PALLD: variants seen among roughly 807,000 people sequenced by gnomAD.
PALLD encodes the protein palladin.
In PALLD, 61 loss-of-function variants were observed where a neutral mutation model predicts 123.5. The observed-to-expected ratio is 0.49, with a 90% CI of 0.40 to 0.61. The LOEUF is 0.61. Ranked by LOEUF, PALLD falls within the 20% of genes least tolerant of loss-of-function variation. The pLI, the probability that PALLD is intolerant of heterozygous loss-of-function variation, is 0.00. For missense variants in PALLD, 1,273 were observed against 1,377.0 expected (o/e 0.92, Z 1.20); for synonymous variants, 465 against 496.4 (o/e 0.94, Z 0.84).
At chr4:168,703,557 C>T (rs1310531302) in intron 8 of PALLD, among the ~76,000 whole-genome samples, 2 of 125,978 alleles carry the variant, frequency 1.6e-5, no homozygotes, top group Admixed American at 7.4e-5. Context: ...TCTCCACATC[C>T]TCTCCAGCAC....
At chr4:168,599,097 C>T (rs971774394) in intron 2 of PALLD, among the ~76,000 whole-genome samples, 8 of 152,206 alleles carry the variant, frequency 5.3e-5, no homozygotes, top group South Asian at 4.2e-4. Flanking sequence ...CCCAAAATAG[C>T]GAATAGCCAC....
At chr4:168,618,545 C>A (rs1292869025) in intron 2 of PALLD, among the ~76,000 whole-genome samples, 2 of 151,924 alleles carry the variant, frequency 1.3e-5, no homozygotes, top group African/African-American at 4.8e-5. Flanking sequence ...TGTTACACAC[C>A]CATCTTAGTC....
chr4:168,792,965 C>G (rs1737749432), intron 10 of PALLD, among the ~76,000 whole-genome samples: 1 of 151,408 alleles, frequency 6.6e-6, no homozygotes, highest in Non-Finnish European at 1.5e-5. Flanking sequence ...CAGGGTCTCA[C>G]CATGTTGGCC....
intron 13 of PALLD, chr4:168,898,182 T>C: frequency 2.4e-6 from 1 of 410,064 alleles, no homozygotes; most frequent in South Asian, 2.2e-5. Flanking sequence ...TAGGAATACA[T>C]AGCTTTGCTT....
At chr4:168,685,444 T>C (rs1781938292) in intron 5 of PALLD, 41 bp from the exon 6 acceptor site, 1 of 1,309,224 alleles carries the variant, frequency 7.6e-7, no homozygotes, top group Non-Finnish European at 1.1e-6. Context: ...TTAGGCAATT[T>C]ATATATTTAG....
At chr4:168,503,068 C>A (rs913302190) in intron 1 of PALLD, among the ~76,000 whole-genome samples, 2 of 150,980 alleles carry the variant, frequency 1.3e-5, no homozygotes, top group African/African-American at 4.9e-5. Flanking sequence ...ATTTCAAACA[C>A]CCGGTATTTC....
chr4:168,795,868 C>T (rs1738426432), intron 10 of PALLD, among the ~76,000 whole-genome samples: 1 of 151,960 alleles, frequency 6.6e-6, no homozygotes, highest in Non-Finnish European at 1.5e-5. Context: ...ACCACCACAT[C>T]TGGCTATTTT....
At chr4:168,520,327 CAAAAAAA>C (rs1554034658) in intron 2 of PALLD, among the ~76,000 whole-genome samples, 26 of 101,598 alleles carry the variant, frequency 2.6e-4, no homozygotes, top group Middle Eastern at 6.1e-3. Context: ...ATTCCGTCAC[CAAAAAAA>C]AAAAAAAAAA....
intron 6 of PALLD, among the ~76,000 whole-genome samples, 182 bp from the exon 7 acceptor site, chr4:168,690,421 C>T (rs1272495349): frequency 3.3e-5 from 5 of 152,174 alleles, no homozygotes; most frequent in South Asian, 2.1e-4. Flanking sequence ...AGCTGATAAT[C>T]GGTGGGTCCA....
rs548068667 is a variant in PALLD, at chr4:168,924,341, C to T, written c.3145C>T (p.Arg1049Cys). The T allele has an allele frequency of 1.4e-5, 22 of 1,613,644 alleles. No homozygotes were observed. Among genetic ancestry groups the T allele is most frequent in the Admixed American group, 3.3e-5 (2 of 59,996 alleles). ...TGGGTACCCAGTGCGGCTGGAATGT[C>T]GTGTATTGGGAGTGCCACCACCTCA... Reference protein sequence around the residue: ...ADGYPVRLECRVLGVPPPQIF... With the variant: ...ADGYPVRLECCVLGVPPPQIF... Residue 1049 changes from arginine to cysteine, a missense_variant, in exon 19 of 22, where the codon CGT (arginine) becomes TGT (cysteine). This residue lies in a region of PALLD where 329 missense variants were observed against 422.5 expected (regional missense o/e 0.78). Coordinates refer to ENST00000505667, the MANE Select transcript of PALLD (RefSeq NM_001166108.2).
chr4:168,759,191 AAAAAAAAAAAAATATATATATATATATAT>A (rs1264830226), intron 10 of PALLD, among the ~76,000 whole-genome samples: 8 of 29,548 alleles, frequency 2.7e-4, no homozygotes, highest in Admixed American at 6.8e-4. Flanking sequence ...AAAAAAAAAA[AAAAAAAAAAAAATATATATATATATATAT>A]ATATATATAT....
At chr4:168,836,641 G>A (rs565296226) in intron 10 of PALLD, among the ~76,000 whole-genome samples, 123 of 152,288 alleles carry the variant, frequency 8.1e-4, no homozygotes, top group African/African-American at 2.9e-3. Context: ...CAGAGATGAA[G>A]TACTGCTGGA....
At chr4:168,759,191 AAAAAAAAAAAAATATATAT>A (rs1183849147) in intron 10 of PALLD, among the ~76,000 whole-genome samples, 5 of 29,548 alleles carry the variant, frequency 1.7e-4, no homozygotes, top group Non-Finnish European at 2.0e-4. Flanking sequence ...AAAAAAAAAA[AAAAAAAAAAAAATATATAT>A]ATATATATAT....
chr4:168,554,379 G>A (rs931910534), intron 2 of PALLD, among the ~76,000 whole-genome samples: 18 of 152,076 alleles, frequency 1.2e-4, no homozygotes, highest in Non-Finnish European at 2.5e-4. Context: ...AATGATTAGT[G>A]GGGAAATCTA....
At chr4:168,738,637 G>A (rs1286906023) in intron 10 of PALLD, among the ~76,000 whole-genome samples, 2 of 146,150 alleles carry the variant, frequency 1.4e-5, no homozygotes, top group Admixed American at 1.4e-4. Context: ...CACCATGTTG[G>A]CCAGGCTGGC....
intron 2 of PALLD, among the ~76,000 whole-genome samples, chr4:168,622,364 T>C (rs553605763): frequency 4.6e-5 from 7 of 152,324 alleles, no homozygotes; most frequent in Non-Finnish European, 1.0e-4. Context: ...TTATGAAGCC[T>C]TGAAGAATGT....
At chr4:168,707,373 G>A (rs1306945655) in intron 8 of PALLD, among the ~76,000 whole-genome samples, 1 of 152,200 alleles carries the variant, frequency 6.6e-6, no homozygotes, top group African/African-American at 2.4e-5. Flanking sequence ...CCACAGCTGG[G>A]CTGTCTCAGT....
chr4:168,845,795 G>A (rs1445886249), intron 10 of PALLD, among the ~76,000 whole-genome samples: 1 of 152,246 alleles, frequency 6.6e-6, no homozygotes, highest in African/African-American at 2.4e-5. Flanking sequence ...GAAAGTACCA[G>A]TGGGAAGTAA....
Position 168,650,364 on chromosome 4 carries a change from G to A in PALLD, c.909-17826G>A, listed in dbSNP as rs529541137. On this transcript the variant is annotated intron_variant, in intron 2 of 21. Transcript: ENST00000505667. ...TATATTGTTCAGTGAAACCACGATG[G>A]TATAGAATAGAAGTCTACAGTTAGT... Among the ~76,000 whole-genome samples the A allele has an allele frequency of 3.3e-5, 5 of 152,254 alleles. 1 individual carries two copies. The highest frequency in any genetic ancestry group is 1.2e-4 in the African/African-American group (5 of 41,540).
Sources: allele counts gnomAD v4.1 joint callset (sites outside exome capture counted in the v4.1 genomes callset), GRCh38; gene constraint gnomAD v4.1.1; regional missense constraint gnomAD v4.1.1; transcripts MANE v1.5; gene names NCBI Gene and HGNC (gene_info 2026-07-23, HGNC 2026-07-21).